Variants in ANO10 observed in about 807,000 individuals in gnomAD.
ANO10 encodes the protein anoctamin-10.
A neutral mutation model predicts 74.7 loss-of-function variants in ANO10; 77 were observed. The ratio of observed to expected loss-of-function variants is 1.03; its 90% CI spans 0.86 to 1.25. The LOEUF (loss-of-function observed/expected upper bound fraction) is 1.25, where lower values mean the gene tolerates loss of function less well. Among genes scored for constraint, ANO10 ranks in the 50% most tolerant of loss-of-function variants. The pLI is 0.00. For missense variants in ANO10, 721 were observed against 778.1 expected (o/e 0.93, Z 0.87); for synonymous variants, 279 against 284.9 (o/e 0.98, Z 0.21).
chr3:43,598,857 T>C (rs919637427), intron 3 of ANO10, among the ~76,000 whole-genome samples, 191 bp from the exon 4 acceptor site: 2 of 152,254 alleles, frequency 1.3e-5, no homozygotes, highest in Non-Finnish European at 2.9e-5. Context: ...AATTCTGTTA[T>C]GCCTTCACGT....
intron 11 of ANO10, among the ~76,000 whole-genome samples, chr3:43,526,833 T>A (rs1355198878): frequency 6.6e-6 from 1 of 152,082 alleles, no homozygotes; most frequent in African/African-American, 2.4e-5. Flanking sequence ...AGCCCTACTT[T>A]AATCAGTAAC....
At chr3:43,592,550 G>A (rs1386767373) in intron 4 of ANO10, among the ~76,000 whole-genome samples, 1 of 152,208 alleles carries the variant, frequency 6.6e-6, no homozygotes, top group African/African-American at 2.4e-5. Context: ...ACTGTTAGAA[G>A]GAAAACTAAC....
intron 11 of ANO10, among the ~76,000 whole-genome samples, chr3:43,473,587 C>T (rs1048409925): frequency 2.0e-5 from 3 of 152,198 alleles, no homozygotes; most frequent in African/African-American, 4.8e-5. Context: ...AAATCCCATT[C>T]GCTCTTCTAC....
chr3:43,566,260 G>A (rs1037304293), intron 7 of ANO10, among the ~76,000 whole-genome samples: 7 of 152,210 alleles, frequency 4.6e-5, no homozygotes, highest in Non-Finnish European at 1.0e-4. Flanking sequence ...GGCTGGGGGA[G>A]GGGCGCCCGC....
chr3:43,375,271 C>A (rs577050629), intron 12 of ANO10, among the ~76,000 whole-genome samples: 2 of 151,954 alleles, frequency 1.3e-5, no homozygotes, highest in Admixed American at 6.5e-5. Flanking sequence ...CATGGTGAAA[C>A]CCTGTCTCTA....
At chr3:43,648,005 T>G (rs1183276597) in intron 1 of ANO10, among the ~76,000 whole-genome samples, 1 of 152,174 alleles carries the variant, frequency 6.6e-6, no homozygotes, top group African/African-American at 2.4e-5. Context: ...GTTACATTCT[T>G]TCTTCACCTC....
At chr3:43,658,503 A>G (rs1392747357) in intron 1 of ANO10, among the ~76,000 whole-genome samples, 1 of 151,870 alleles carries the variant, frequency 6.6e-6, no homozygotes, top group Non-Finnish European at 1.5e-5. Context: ...GGAGTCTCGC[A>G]CTGTTGCCCG....
intron 1 of ANO10, among the ~76,000 whole-genome samples, chr3:43,655,110 A>C (rs1375642641): frequency 3.3e-5 from 5 of 152,210 alleles, no homozygotes; most frequent in African/African-American, 9.6e-5. Context: ...ACACAGTAAA[A>C]CTAGAGGGAA....
intron 4 of ANO10, among the ~76,000 whole-genome samples, chr3:43,595,294 G>T (rs944290538): frequency 6.6e-6 from 1 of 152,088 alleles, no homozygotes; most frequent in Non-Finnish European, 1.5e-5. Context: ...ACCAAAGCCT[G>T]GCAGAGACAC....
At chr3:43,399,996 A>C (rs1260751697) in intron 12 of ANO10, among the ~76,000 whole-genome samples, 1 of 152,044 alleles carries the variant, frequency 6.6e-6, no homozygotes, top group Non-Finnish European at 1.5e-5. Context: ...CAATACAGGG[A>C]GTGCTCTCAT....
chr3:43,596,044 A>C (rs565340639), intron 4 of ANO10, among the ~76,000 whole-genome samples: 42 of 152,278 alleles, frequency 2.8e-4, no homozygotes, highest in African/African-American at 8.9e-4. Context: ...ACCTAGGAAT[A>C]CAACTTACAA....
intron 4 of ANO10, among the ~76,000 whole-genome samples, chr3:43,582,660 A>G (rs1353064171): frequency 6.6e-6 from 1 of 152,224 alleles, no homozygotes; most frequent in African/African-American, 2.4e-5. Context: ...TTCTTCCCAC[A>G]ATTATATTTT....
chr3:43,444,894 C>T (rs543022613), intron 11 of ANO10, among the ~76,000 whole-genome samples: 34 of 152,054 alleles, frequency 2.2e-4, no homozygotes, highest in South Asian at 1.0e-3. Flanking sequence ...GAGGCCAAGG[C>T]GGGCGGATCA....
At chr3:43,625,824 GC>G (rs1162215424), upstream of ANO10, among the ~76,000 whole-genome samples, 1 of 151,866 alleles carries the variant, frequency 6.6e-6, no homozygotes, top group African/African-American at 2.4e-5. Flanking sequence ...TTGTTTATTG[GC>G]CGTGAAAACT....
chr3:43,642,531 C>T (rs2083680430), intron 1 of ANO10, among the ~76,000 whole-genome samples: 1 of 152,030 alleles, frequency 6.6e-6, no homozygotes, highest in African/African-American at 2.4e-5. Flanking sequence ...CAATTGTTTT[C>T]CATTTTAGGA....
chr3:43,405,617 G>A (rs886604770), intron 12 of ANO10, among the ~76,000 whole-genome samples: 1 of 151,940 alleles, frequency 6.6e-6, no homozygotes, highest in Non-Finnish European at 1.5e-5. Flanking sequence ...GAGACTAAAG[G>A]AGTGCACTAT....
At chr3:43,619,047 G>A (rs908608183) in intron 1 of ANO10, among the ~76,000 whole-genome samples, 4 of 152,150 alleles carry the variant, frequency 2.6e-5, no homozygotes, top group Non-Finnish European at 5.9e-5. Context: ...CTCGTGATCC[G>A]CCTGCCTCGG....
chr3:43,679,981 G>T (rs1481889332), intron 1 of ANO10, among the ~76,000 whole-genome samples: 2 of 152,062 alleles, frequency 1.3e-5, no homozygotes, highest in Non-Finnish European at 2.9e-5. Context: ...CCACAAAGAT[G>T]GGGAAAAAAC....
intron 11 of ANO10, among the ~76,000 whole-genome samples, chr3:43,447,348 C>T (rs777360952): frequency 6.6e-6 from 1 of 152,202 alleles, no homozygotes; most frequent in Non-Finnish European, 1.5e-5. Flanking sequence ...CTCCCTGGTC[C>T]TCCACAGCCT....
Sources: allele counts gnomAD v4.1 joint callset (sites outside exome capture counted in the v4.1 genomes callset), GRCh38; gene constraint gnomAD v4.1.1; transcripts MANE v1.5; gene names NCBI Gene and HGNC (gene_info 2026-07-23, HGNC 2026-07-21).